KAT6A: variants seen among roughly 807,000 people sequenced by gnomAD.
KAT6A encodes the protein histone acetyltransferase KAT6A.
A neutral mutation model predicts 198.4 loss-of-function variants in KAT6A; 9 were observed. That is an observed-to-expected ratio of 0.05 (90% CI 0.03 to 0.08). KAT6A has a LOEUF of 0.08. KAT6A is among the 10% of genes least tolerant of loss of function. The probability of loss-of-function intolerance (pLI) is 1.00; values close to 1 mark genes in which losing one functional copy is unlikely to be tolerated. For synonymous variants in KAT6A, 890 were observed against 883.0 expected, an observed-to-expected ratio of 1.01 and a Z score of -0.14; for missense variants, 2,077 against 2,509.9, an observed-to-expected ratio of 0.83 and a Z score of 3.69.
At chr8:41,995,986 T>A (rs1354182284) in intron 2 of KAT6A, among the ~76,000 whole-genome samples, 1 of 152,210 alleles carries the variant, frequency 6.6e-6, no homozygotes, top group Non-Finnish European at 1.5e-5. Context: ...CCAATTTTCA[T>A]TTCTTTCCCC....
chr8:42,010,097 G>C (rs548997672), intron 2 of KAT6A, among the ~76,000 whole-genome samples: 1 of 152,208 alleles, frequency 6.6e-6, no homozygotes, highest in South Asian at 2.1e-4. Flanking sequence ...TTGAGGTCAG[G>C]AGTTCAAGAC....
intron 2 of KAT6A, among the ~76,000 whole-genome samples, chr8:42,043,316 C>T (rs1234255137): frequency 3.3e-5 from 5 of 152,218 alleles, no homozygotes; most frequent in African/African-American, 1.2e-4. Flanking sequence ...ACACTCTTCT[C>T]CTCACCTATA....
At chr8:42,018,749 C>T (rs1031832248) in intron 2 of KAT6A, among the ~76,000 whole-genome samples, 1 of 151,934 alleles carries the variant, frequency 6.6e-6, no homozygotes, top group African/African-American at 2.4e-5. Context: ...ATGGTGAAAC[C>T]CCATCTCTAC....
intron 2 of KAT6A, among the ~76,000 whole-genome samples, chr8:42,028,296 G>A (rs533611184): frequency 4.6e-5 from 7 of 152,118 alleles, no homozygotes; most frequent in African/African-American, 7.2e-5. Flanking sequence ...CTGATTTTCT[G>A]CACAGCTGAC....
intron 8 of KAT6A, among the ~76,000 whole-genome samples, chr8:41,961,826 A>G (rs1823217762): frequency 6.6e-6 from 1 of 151,424 alleles, no homozygotes; most frequent in African/African-American, 2.4e-5. Context: ...CTCTGCTCCT[A>G]ATTACTGTAA....
At position 41,930,115 on chromosome 8, in the gene KAT6A, G is replaced by C. The variant is rs779094898; in HGVS notation, c.*2090C>G. 13 of 231,810 alleles carry C rather than the reference G, an allele frequency of 5.6e-5. No homozygotes were observed. Among genetic ancestry groups the C allele is most frequent in the Non-Finnish European group, 1.0e-4 (12 of 117,336 alleles). The allele number at this position is 231,810 out of a possible 1,614,324, so 14.4% of individuals were successfully genotyped here. On this transcript the variant is annotated 3_prime_UTR_variant, in exon 17 of 17. Transcript: ENST00000265713. ...AGGCTTGTGGAAAAGGGAGCTGCCC[G>C]ATTGAATTTTTTATAAAGAAACAAA...
In KAT6A at chr8:41,942,850, C is replaced by T; in HGVS notation, c.2379G>A (p.Glu793=). The T allele has an allele frequency of 6.2e-7, 1 of 1,614,164 alleles. No homozygotes were observed. The highest frequency in any genetic ancestry group is 8.5e-7 in the Non-Finnish European group (1 of 1,180,026). ...NSVVSEEEEE[E]AEEGENEEPQ... ...GCTCTTCGTTTTCTCCTTCCTCAGC[C>T]TCCTCTTCTTCCTCCTCTGAGACCA... Residue 793 remains glutamate (E), a synonymous_variant, in exon 14 of 17, where the codon GAG becomes GAA. Transcript: ENST00000265713.
chr8:42,004,800 C>A (rs572461550), intron 2 of KAT6A, among the ~76,000 whole-genome samples: 1 of 151,864 alleles, frequency 6.6e-6, no homozygotes, highest in African/African-American at 2.4e-5. Flanking sequence ...TGGTGGTGTG[C>A]GCCTGTAGTC....
intron 2 of KAT6A, among the ~76,000 whole-genome samples, chr8:42,015,069 G>C (rs944991054): frequency 6.6e-6 from 1 of 152,200 alleles, no homozygotes; most frequent in Admixed American, 6.5e-5. Flanking sequence ...AAGGGAGATA[G>C]TAAGGCAGAA....
chr8:42,000,206 C>T (rs1825418036), intron 2 of KAT6A, among the ~76,000 whole-genome samples: 1 of 152,178 alleles, frequency 6.6e-6, no homozygotes, highest in Non-Finnish European at 1.5e-5. Flanking sequence ...TTTAGTGGTA[C>T]TTGAGTATAA....
chr8:42,019,574 A>G (rs1402341063), intron 2 of KAT6A, among the ~76,000 whole-genome samples: 1 of 152,220 alleles, frequency 6.6e-6, no homozygotes, highest in Non-Finnish European at 1.5e-5. Flanking sequence ...GAGGGCAAAG[A>G]GGTTAACTAC....
At chr8:41,972,660 C>A (rs1362408124) in intron 8 of KAT6A, among the ~76,000 whole-genome samples, 1 of 152,134 alleles carries the variant, frequency 6.6e-6, no homozygotes, top group African/African-American at 2.4e-5. Flanking sequence ...AGGAACTGTT[C>A]CCAATTGGAA....
chr8:41,980,811 A>G, intron 5 of KAT6A, 35 bp downstream of exon 5: 2 of 1,411,310 alleles, frequency 1.4e-6, no homozygotes, highest in South Asian at 2.3e-5. Context: ...ATCCTCCTTT[A>G]TATTCCCAGT....
In KAT6A at chr8:41,940,756, A is replaced by T. The variant is rs575361264; in HGVS notation, c.3039+86T>A. Reference sequence around the variant, plus strand: ...AATGCACTAGGAATTTCTAACTTATACTCTTTCAGAACTGTAAGCTAAAAC... The same window carrying T: ...AATGCACTAGGAATTTCTAACTTATTCTCTTTCAGAACTGTAAGCTAAAAC... On this transcript the variant is annotated intron_variant, in intron 15 of 16. Coordinates refer to ENST00000265713, the MANE Select transcript of KAT6A (RefSeq NM_006766.5). 30 of 1,477,028 alleles carry T rather than the reference A, an allele frequency of 2.0e-5. No individual in the cohort carries two copies. The African/African-American group carries it at 3.1e-4, about 15-fold the overall frequency. 91.5% of individuals were successfully genotyped at this position (1,477,028 alleles called of 1,614,324 possible).
At chr8:42,001,253 G>C (rs1010705133) in intron 2 of KAT6A, among the ~76,000 whole-genome samples, 9 of 152,136 alleles carry the variant, frequency 5.9e-5, no homozygotes, top group Non-Finnish European at 1.3e-4. Flanking sequence ...AAGGGGAAAA[G>C]ATAGACAAAA....
chr8:42,029,708 T>C (rs1827012043), intron 2 of KAT6A, among the ~76,000 whole-genome samples: 2 of 151,850 alleles, frequency 1.3e-5, no homozygotes, highest in African/African-American at 2.4e-5. Flanking sequence ...TCCTCCCGCC[T>C]TGGTCTCCCA....
In KAT6A at chr8:41,934,866, G is replaced by A; in HGVS notation, c.3354C>T (p.Asp1118=). 1 of 1,591,038 alleles carries A rather than the reference G, an allele frequency of 6.3e-7. No individual in the cohort carries two copies. Among genetic ancestry groups the A allele is most frequent in the Non-Finnish European group, 8.5e-7 (1 of 1,171,726 alleles). ...GAGATACTGGCTTTAAGATAGGAGT[G>A]TCTATACAGGAAGGAAAAAAAACAA... ...EEDEESDDAD[D]TPILKPVSLL... is the part of the protein sequence containing the mutation. Residue 1118 remains aspartate, a splice_region_variant and synonymous_variant, in exon 17 of 17, where the codon GAC becomes GAT. Coordinates refer to ENST00000265713, the MANE Select transcript of KAT6A (RefSeq NM_006766.5).
chr8:41,984,921 T>A (rs1439893787), intron 3 of KAT6A, among the ~76,000 whole-genome samples: 1 of 149,524 alleles, frequency 6.7e-6, no homozygotes, highest in Non-Finnish European at 1.5e-5. Context: ...AGGCAGAGCT[T>A]GCAGTGAGCC....
intron 2 of KAT6A, among the ~76,000 whole-genome samples, chr8:42,022,440 A>T (rs146662151): frequency 6.6e-6 from 1 of 152,206 alleles, no homozygotes; most frequent in Non-Finnish European, 1.5e-5. Flanking sequence ...ATCAGGGTTA[A>T]AACAGCCTAA....
Sources: allele counts gnomAD v4.1 joint callset (sites outside exome capture counted in the v4.1 genomes callset), GRCh38; gene constraint gnomAD v4.1.1; transcripts MANE v1.5; gene names NCBI Gene and HGNC (gene_info 2026-07-23, HGNC 2026-07-21).